Variants in NEUROD6 observed in about 807,000 individuals in gnomAD.
NEUROD6 encodes the protein neurogenic differentiation factor 6.
NEUROD6 carries 5 observed loss-of-function variants against 24.1 expected under a neutral mutation model. The ratio of observed to expected loss-of-function variants is 0.21; its 90% CI spans 0.11 to 0.44. The LOEUF is 0.44. Among genes scored for constraint, NEUROD6 ranks in the 20% least tolerant of loss-of-function variants. The pLI is 0.99. For synonymous variants in NEUROD6, 182 were observed against 154.1 expected, an observed-to-expected ratio of 1.18 and a Z score of -1.34; for missense variants, 325 against 409.5, an observed-to-expected ratio of 0.79 and a Z score of 1.78.
At chr7:31,339,597 C>A (rs913898751) in intron 1 of NEUROD6, among the ~76,000 whole-genome samples, 2 of 152,080 alleles carry the variant, frequency 1.3e-5, no homozygotes, top group African/African-American at 4.8e-5. Flanking sequence ...TTAATACCCC[C>A]AAAAAAGATT....
chr7:31,339,376 T>C (rs1644088969), intron 1 of NEUROD6, 87 bp from the exon 2 acceptor site: 1 of 1,079,396 alleles, frequency 9.3e-7, no homozygotes, highest in Non-Finnish European at 1.3e-6. Context: ...AATCATAAGA[T>C]TACAAAAACA....
At chr7:31,339,913 G>T (rs955449603) in intron 1 of NEUROD6, among the ~76,000 whole-genome samples, 6 of 151,978 alleles carry the variant, frequency 3.9e-5, no homozygotes, top group Non-Finnish European at 8.8e-5. Flanking sequence ...TTATGTAAAA[G>T]GGCACTATTT....
chr7:31,337,733 A>G lies in NEUROD6; in HGVS notation c.*522T>C, dbSNP rs1783077818. 4 of 152,756 alleles carry G rather than the reference A, an allele frequency of 2.6e-5. No individual in the cohort carries two copies. The highest frequency in any genetic ancestry group is 9.7e-5 in the African/African-American group (4 of 41,446). 9.5% of individuals were successfully genotyped at this position (152,756 alleles called of 1,614,324 possible). A position where few individuals can be genotyped will look rare whatever the true frequency, so the allele number is the denominator to read the frequency against. On this transcript the variant is annotated 3_prime_UTR_variant, in exon 2 of 2. Transcript: ENST00000297142. ...ATCCTTAATAAAAAGAAAATTGCAT[A>G]GCTTTTTATATTGTTGCAAATTCAT...
At chr7:31,339,678 C>G (rs1783103574) in intron 1 of NEUROD6, among the ~76,000 whole-genome samples, 1 of 152,068 alleles carries the variant, frequency 6.6e-6, no homozygotes, top group African/African-American at 2.4e-5. Flanking sequence ...CCCCTGAGCA[C>G]AAAATGAGAA....
Position 31,338,107 on chromosome 7 carries a change from T to C in NEUROD6, c.*148A>G, listed in dbSNP as rs1236389527. 4.9e-6 allele frequency: 3 copies of C among 609,616 alleles called. No homozygotes were observed. The highest frequency in any genetic ancestry group is 3.1e-5 in the Admixed American group (1 of 32,748). 37.8% of individuals were successfully genotyped at this position (609,616 alleles called of 1,614,324 possible). A position where few individuals can be genotyped will look rare whatever the true frequency, so the allele number is the denominator to read the frequency against. ...ATACGAAAAGAGATTTATTATTACA[T>C]AGAAAATTCTCACAATAGTTGAAAC... On this transcript the variant is annotated 3_prime_UTR_variant, in exon 2 of 2. Transcript: ENST00000297142. The surrounding 1 kb of genome is among the most constrained non-coding windows in gnomAD (Gnocchi z 5.1).
chr7:31,340,218 A>T (rs1429818722), intron 1 of NEUROD6, among the ~76,000 whole-genome samples: 1 of 152,220 alleles, frequency 6.6e-6, no homozygotes, highest in Non-Finnish European at 1.5e-5. Context: ...TGTGTTCAGA[A>T]TCCCAAATGA....
At position 31,338,723 on chromosome 7, in the gene NEUROD6, C is replaced by G; in HGVS notation, c.546G>C (p.Gln182His). Residue 182 changes from glutamine (Q) to histidine (H), a missense_variant, in exon 2 of 2, where the codon CAG becomes CAC. Gln to His is a conservative substitution (Grantham distance 24, BLOSUM62 0). This residue lies in a region of NEUROD6 where 175 missense variants were observed against 201.3 expected (regional missense o/e 0.87). Transcript: ENST00000297142. This position sits in a 1 kb window ranked among gnomAD's most constrained non-coding sequence, Gnocchi z 5.1. ...PTTNLVAGCLQLNARSFLMGQ... is the reference protein window; with the variant it reads ...PTTNLVAGCLHLNARSFLMGQ... Reference sequence around the variant, plus strand: ...CCATCAGGAAACTCCTGGCGTTGAGCTGCAAGCAGCCTGCCACCAAGTTTG... The same window carrying G: ...CCATCAGGAAACTCCTGGCGTTGAGGTGCAAGCAGCCTGCCACCAAGTTTG... 6.2e-7 allele frequency: 1 copy of G among 1,614,104 alleles called. No individual in the cohort carries two copies. Among genetic ancestry groups the G allele is most frequent in the Non-Finnish European group, 8.5e-7 (1 of 1,180,024 alleles).
chr7:31,339,816 A>T (rs1306849396), intron 1 of NEUROD6, among the ~76,000 whole-genome samples: 1 of 152,180 alleles, frequency 6.6e-6, no homozygotes, highest in South Asian at 2.1e-4. Flanking sequence ...GTGAATTTAG[A>T]TAAGTGGGTG....
rs1336802028 is a variant in NEUROD6 at position 31,337,995 on chromosome 7, T to A, written c.*260A>T. On this transcript the variant is annotated 3_prime_UTR_variant, in exon 2 of 2. Coordinates refer to ENST00000297142, the MANE Select transcript of NEUROD6 (RefSeq NM_022728.4). ...CTTGTTCAAACAAATTAAATAAGTT[T>A]AAAAGAAAATTAAAAAGAAAAAAAT... is the stretch of plus-strand genomic sequence containing the variant. 1 of 427,422 alleles carries A rather than the reference T, an allele frequency of 2.3e-6. No homozygotes were observed. Among genetic ancestry groups the A allele is most frequent in the Non-Finnish European group, 4.1e-6 (1 of 241,728 alleles). The allele number at this position is 427,422 out of a possible 1,614,324, so 26.5% of individuals were successfully genotyped here.
At position 31,338,126 on chromosome 7, in the gene NEUROD6, T is replaced by G. The variant is rs1406788414; in HGVS notation, c.*129A>C. 1.4e-6 allele frequency: 1 copy of G among 693,678 alleles called. No individual in the cohort carries two copies. The highest frequency in any genetic ancestry group is 2.3e-6 in the Non-Finnish European group (1 of 425,614). 43.0% of individuals were successfully genotyped at this position (693,678 alleles called of 1,614,324 possible). A position where few individuals can be genotyped will look rare whatever the true frequency, so the allele number is the denominator to read the frequency against. On this transcript the variant is annotated 3_prime_UTR_variant, in exon 2 of 2. Coordinates refer to ENST00000297142, the MANE Select transcript of NEUROD6 (RefSeq NM_022728.4). This position sits in a 1 kb window ranked among gnomAD's most constrained non-coding sequence, Gnocchi z 5.1. ...ATTACATAGAAAATTCTCACAATAG[T>G]TGAAACACACTTCAGAAACTAGTAA...
In NEUROD6 at chr7:31,338,046, T is replaced by C. The variant is rs541606491; in HGVS notation, c.*209A>G. On this transcript the variant is annotated 3_prime_UTR_variant, in exon 2 of 2. Transcript: ENST00000297142. This position sits in a 1 kb window ranked among gnomAD's most constrained non-coding sequence, Gnocchi z 5.1. The stretch of plus-strand genomic sequence containing the variant: ...CTTTCCAGTAGAAACAGAATCACAG[T>C]GCTTCACAGACAAAAGGAAAGGAAA... 10 of 544,512 alleles carry C rather than the reference T, an allele frequency of 1.8e-5. No individual in the cohort carries two copies. In the African/African-American group the frequency reaches 1.9e-4, roughly 10 times the overall value. The allele number at this position is 544,512 out of a possible 1,614,324, so 33.7% of individuals were successfully genotyped here. A position where few individuals can be genotyped will look rare whatever the true frequency, so the allele number is the denominator to read the frequency against.
chr7:31,340,643 A>G lies in NEUROD6; in HGVS notation c.-72T>C, dbSNP rs1410369754. 6.6e-6 allele frequency: 1 copy of G among 152,562 alleles called. No individual in the cohort carries two copies. The highest frequency in any genetic ancestry group is 1.5e-5 in the Non-Finnish European group (1 of 68,030). The allele number at this position is 152,562 out of a possible 1,614,324, so 9.5% of individuals were successfully genotyped here. On this transcript the variant is annotated 5_prime_UTR_variant, in exon 1 of 2. Coordinates refer to ENST00000297142, the MANE Select transcript of NEUROD6 (RefSeq NM_022728.4). ...TCAGTTTTCATTTTGGGTCTTCCAA[A>G]TCTTTTCAGGCTGAGTGTCGCATCG...
chr7:31,339,427 A>G (rs1178627645), intron 1 of NEUROD6, 138 bp from the exon 2 acceptor site: 2 of 657,494 alleles, frequency 3.0e-6, no homozygotes, highest in Non-Finnish European at 4.6e-6. Flanking sequence ...TTTAACATTA[A>G]ATATAATTTT....
Position 31,338,872 on chromosome 7 carries a change from T to C in NEUROD6, c.397A>G (p.Ile133Val). The C allele has an allele frequency of 6.2e-7, 1 of 1,614,178 alleles. No individual in the cohort carries two copies. Among genetic ancestry groups the C allele is most frequent in the Non-Finnish European group, 8.5e-7 (1 of 1,180,034 alleles). The change falls in exon 2 of 2, where the codon ATA becomes GTA. Residue 133 changes from isoleucine to valine, a missense_variant. Physicochemically the swap from Ile to Val is conservative, Grantham distance 29. Coordinates refer to ENST00000297142, the MANE Select transcript of NEUROD6 (RefSeq NM_022728.4). This position sits in a 1 kb window ranked among gnomAD's most constrained non-coding sequence, Gnocchi z 5.1. ...CYSKTQKLSK[I>V]ETLRLAKNYI... ...TTTTTGGCCAGTCGTAAAGTCTCTA[T>C]TTTGGACAGTTTCTGGGTTTTAGAA... is the stretch of plus-strand genomic sequence containing the variant.
Position 31,338,555 on chromosome 7 carries a change from A to C in NEUROD6, c.714T>G (p.Ser238Arg), listed in dbSNP as rs754088385. 1 of 1,614,150 alleles carries C rather than the reference A, an allele frequency of 6.2e-7. No homozygotes were observed. The highest frequency in any genetic ancestry group is 1.7e-5 in the Admixed American group (1 of 60,020). The change falls in exon 2 of 2, where the codon AGT becomes AGG. Residue 238 changes from serine (S) to arginine (R), a missense_variant. This residue lies in a region of NEUROD6 where 175 missense variants were observed against 201.3 expected (regional missense o/e 0.87). Coordinates refer to ENST00000297142, the MANE Select transcript of NEUROD6 (RefSeq NM_022728.4). The surrounding 1 kb of genome is among the most constrained non-coding windows in gnomAD (Gnocchi z 5.1). ...TACTTTCATAGAAGGATTCATACGC[A>C]CTGCAATAATTGTAGGGTTTCATGG... ...SKSMKPYNYCSAYESFYESTS... is the reference protein window; with the variant it reads ...SKSMKPYNYCRAYESFYESTS...
At chr7:31,339,390 G>T in intron 1 of NEUROD6, 101 bp from the exon 2 acceptor site, 1 of 930,054 alleles carries the variant, frequency 1.1e-6, no homozygotes, top group Non-Finnish European at 1.5e-6. Context: ...AAAAACACGT[G>T]AAAAAGACTG....
Position 31,339,258 on chromosome 7 carries a change from A to G in NEUROD6, c.11T>C (p.Leu4Pro), listed in dbSNP as rs780657372. 5 of 1,605,340 alleles carry G rather than the reference A, an allele frequency of 3.1e-6. No homozygotes were observed. The highest frequency in any genetic ancestry group is 4.2e-6 in the Non-Finnish European group (5 of 1,176,898). MLT[L>P]PFDESVVMPE... ...CATTACAACAGACTCATCAAACGGT[A>G]GTGTTAACATGGTTCTCTAATCTTA... The change falls in exon 2 of 2, where the codon CTA (leucine) becomes CCA (proline). Residue 4 changes from leucine (L) to proline (P), a missense_variant. By Grantham distance (98) the Leu-to-Pro change is moderately conservative. Around this residue, in one of 3 missense-constraint regions of NEUROD6, gnomAD observed 109 missense variants for 107.3 expected, o/e 1.02. Coordinates refer to ENST00000297142, the MANE Select transcript of NEUROD6 (RefSeq NM_022728.4).
In NEUROD6 at chr7:31,338,654, A is replaced by G. The variant is rs773677756; in HGVS notation, c.615T>C (p.Ser205=). 2 of 1,614,086 alleles carry G rather than the reference A, an allele frequency of 1.2e-6. No individual in the cohort carries two copies. The highest frequency in any genetic ancestry group is 1.7e-5 in the Admixed American group (1 of 60,006). ...GGCTGTGGTAGGGTGGGTAGAAGGT[A>G]GAGTAGGGTGACCTTGTGTGGTGTG... The part of the protein sequence containing the change: ...EAAHHTRSPY[S]TFYPPYHSPE... The change falls in exon 2 of 2, where the codon TCT becomes TCC. Residue 205 remains serine (S), a synonymous_variant. Coordinates refer to ENST00000297142, the MANE Select transcript of NEUROD6 (RefSeq NM_022728.4). The surrounding 1 kb of genome is among the most constrained non-coding windows in gnomAD (Gnocchi z 5.1).
chr7:31,340,073 G>T (rs1783107173), intron 1 of NEUROD6, among the ~76,000 whole-genome samples: 1 of 151,978 alleles, frequency 6.6e-6, no homozygotes, highest in Non-Finnish European at 1.5e-5. Context: ...AAATAGAATT[G>T]TCTGTTTACT....
Sources: gnomAD v4.1 joint callset for allele counts (sites outside exome capture counted in the v4.1 genomes callset) on GRCh38, gnomAD v4.1.1 for gene constraint, gnomAD v4.1.1 regional missense constraint, Gnocchi (gnomAD v3.1) non-coding constraint, MANE v1.5 for transcripts, NCBI Gene and HGNC (gene_info 2026-07-23, HGNC 2026-07-21) for gene names.